BAK1: variants seen among roughly 807,000 people sequenced by gnomAD.
The protein encoded by BAK1 is BCL2 antagonist/killer 1, also known as bcl-2 homologous antagonist/killer.
BAK1 carries 19 observed loss-of-function variants against 24.7 expected under a neutral mutation model. The observed-to-expected ratio is 0.77, with a 90% CI of 0.54 to 1.13. BAK1 has a LOEUF of 1.13. Ranked by LOEUF, BAK1 falls within the 50% of genes most tolerant of loss-of-function variation. BAK1 has a pLI of 0.00. For missense variants in BAK1, 194 were observed against 279.4 expected, an observed-to-expected ratio of 0.69 and a Z score of 2.18; for synonymous variants, 86 against 107.3, an observed-to-expected ratio of 0.80 and a Z score of 1.23.
chr6:33,575,253 A>G lies in BAK1; in HGVS notation c.350+45T>C. ...AGGCAGGGTATGGTATGGTTGTGAC[A>G]TGACAGAGGAGTGACTGGAGCTGGC... On this transcript the variant is annotated intron_variant, in intron 4 of 5. Transcript: ENST00000374467. This position sits in a 1 kb window ranked among gnomAD's most constrained non-coding sequence, Gnocchi z 6.3. 2 of 1,613,900 alleles carry G rather than the reference A, an allele frequency of 1.2e-6. No homozygotes were observed. The highest frequency in any genetic ancestry group is 2.2e-5 in the East Asian group (1 of 44,882).
rs1401302781 is a variant in BAK1, at chr6:33,575,479, AG to A, written c.207-39del. On this transcript the variant is annotated intron_variant, in intron 3 of 5. Coordinates refer to ENST00000374467, the MANE Select transcript of BAK1 (RefSeq NM_001188.4). This position sits in a 1 kb window ranked among gnomAD's most constrained non-coding sequence, Gnocchi z 6.3. ...GAGGCATGCAGGTGAGCCAGTAACC[AG>A]GCAGTCGGGACCAGGCCCTGGCTCA... 3 of 1,611,974 alleles carry A rather than the reference AG, an allele frequency of 1.9e-6. No homozygotes were observed. The African/African-American group carries it at 4.0e-5, about 22-fold the overall frequency.
chr6:33,575,792 C>T lies in BAK1; in HGVS notation c.206+1G>A. On this transcript the variant is annotated splice_donor_variant, in intron 3 of 5. Coordinates refer to ENST00000374467, the MANE Select transcript of BAK1 (RefSeq NM_001188.4). LOFTEE classifies it high-confidence loss of function. The surrounding 1 kb of genome is among the most constrained non-coding windows in gnomAD (Gnocchi z 6.3). ...TTGTGGGCCCAGCGGTTGTAGCTCA[C>T]CTGCTAGGTTGCAGAGGTAAGGTGA... 1 of 1,612,494 alleles carries T rather than the reference C, an allele frequency of 6.2e-7. No homozygotes were observed. Among genetic ancestry groups the T allele is most frequent in the Non-Finnish European group, 8.5e-7 (1 of 1,179,870 alleles).
Position 33,573,855 on chromosome 6 carries a change from A to G in BAK1, c.584T>C (p.Leu195Pro), listed in dbSNP as rs1335967647. The stretch of plus-strand genomic sequence containing the variant: ...AAACTGGCCCAACAGAACCACACCC[A>G]GAACCACCAGCACGTTCAGGATGGG... ...NGPILNVLVVLGVVLLGQFVV... is the reference protein window; with the variant it reads ...NGPILNVLVVPGVVLLGQFVV... Residue 195 changes from leucine (L) to proline (P), a missense_variant, in exon 6 of 6, where the codon CTG becomes CCG. Physicochemically the swap from Leu to Pro is moderately conservative, Grantham distance 98 (BLOSUM62 -3). Coordinates refer to ENST00000374467, the MANE Select transcript of BAK1 (RefSeq NM_001188.4). 1 of 1,614,130 alleles carries G rather than the reference A, an allele frequency of 6.2e-7. No individual in the cohort carries two copies. The highest frequency in any genetic ancestry group is 8.5e-7 in the Non-Finnish European group (1 of 1,180,042).
At position 33,574,025 on chromosome 6, in the gene BAK1, GAT is replaced by G. The variant is rs1249291028; in HGVS notation, c.531+7_531+8del. The G allele has an allele frequency of 6.2e-7, 1 of 1,613,622 alleles. No homozygotes were observed. The highest frequency in any genetic ancestry group is 1.1e-5 in the South Asian group (1 of 91,074). On this transcript the variant is annotated splice_region_variant and intron_variant, in intron 5 of 5. Coordinates refer to ENST00000374467, the MANE Select transcript of BAK1 (RefSeq NM_001188.4). ...AGCAGGGAGGACATTGCAGTCCTTGGATACTCACCCAGCCACCCCTCTGTGCA... is the reference window on the plus strand; with the variant it reads ...AGCAGGGAGGACATTGCAGTCCTTGGACTCACCCAGCCACCCCTCTGTGCA...
rs1402443864 is a variant in BAK1 at position 33,578,894 on chromosome 6, G to A, written c.-32+1131C>T. ...ACACAGCCCCACCCCCACCGCCCAG[G>A]GCCTGGGGACCTTCGCCCACCCTCC... On this transcript the variant is annotated intron_variant, in intron 1 of 5. Coordinates refer to ENST00000374467, the MANE Select transcript of BAK1 (RefSeq NM_001188.4). This position sits in a 1 kb window ranked among gnomAD's most constrained non-coding sequence, Gnocchi z 4.8. 6.6e-6 allele frequency among the ~76,000 whole-genome samples: 1 copy of A among 152,074 alleles called. No individual in the cohort carries two copies. Among genetic ancestry groups the A allele is most frequent in the African/African-American group, 2.4e-5 (1 of 41,402 alleles).
rs511515 is a variant in BAK1, at chr6:33,573,730, A to G, written c.*73T>C. 0.69 allele frequency: 765,970 copies of G among 1,109,640 alleles called. 267,042 individuals are homozygous for G. The highest frequency in any genetic ancestry group is 0.85 in the South Asian group (62,490 of 73,354). The allele number at this position is 1,109,640 out of a possible 1,614,324, so 68.7% of individuals were successfully genotyped here. On this transcript the variant is annotated 3_prime_UTR_variant, in exon 6 of 6. Coordinates refer to ENST00000374467, the MANE Select transcript of BAK1 (RefSeq NM_001188.4). ...CTTGAGGGGGGACCCCTGCAAGGGAACAGAGAAGGCAAAGACTTCGCTTAA... is the reference window on the plus strand; with the variant it reads ...CTTGAGGGGGGACCCCTGCAAGGGAGCAGAGAAGGCAAAGACTTCGCTTAA...
At position 33,574,161 on chromosome 6, in the gene BAK1, C is replaced by T; in HGVS notation, c.404G>A (p.Gly135Asp). The T allele has an allele frequency of 1.2e-6, 2 of 1,614,008 alleles. No homozygotes were observed. Among genetic ancestry groups the T allele is most frequent in the Non-Finnish European group, 1.7e-6 (2 of 1,179,978 alleles). ...GTAGACGTGTAGGGCCAGACGGTAGCCGAAGCCCAGAAGAGCCACCACACG... is the reference window on the plus strand; with the variant it reads ...GTAGACGTGTAGGGCCAGACGGTAGTCGAAGCCCAGAAGAGCCACCACACG... Reference protein sequence around the residue: ...WGRVVALLGFGYRLALHVYQH... With the variant: ...WGRVVALLGFDYRLALHVYQH... The change falls in exon 5 of 6, where the codon GGC becomes GAC. Residue 135 changes from glycine (G) to aspartate (D), a missense_variant. By Grantham distance (94) the Gly-to-Asp change is moderately conservative (BLOSUM62 -1). Coordinates refer to ENST00000374467, the MANE Select transcript of BAK1 (RefSeq NM_001188.4).
Position 33,575,372 on chromosome 6 carries a change from C to G in BAK1, c.276G>C (p.Glu92Asp). The change falls in exon 4 of 6, where the codon GAG becomes GAC. Residue 92 changes from glutamate (E) to aspartate (D), a missense_variant. By Grantham distance (45) the Glu-to-Asp change is conservative (BLOSUM62 2). Transcript: ENST00000374467. This position sits in a 1 kb window ranked among gnomAD's most constrained non-coding sequence, Gnocchi z 6.3. ...GDDINRRYDSEFQTMLQHLQP... is the reference protein window; with the variant it reads ...GDDINRRYDSDFQTMLQHLQP... ...GCAGGTGCTGCAACATGGTCTGGAA[C>G]TCTGAGTCATAGCGTCGGTTGATGT... is the stretch of plus-strand genomic sequence containing the variant. 1.2e-6 allele frequency: 2 copies of G among 1,614,206 alleles called. No individual in the cohort carries two copies. The highest frequency in any genetic ancestry group is 1.1e-5 in the South Asian group (1 of 91,086).
intron 4 of BAK1, 197 bp from the exon 5 acceptor site, chr6:33,574,411 A>G: frequency 6.8e-7 from 1 of 1,480,382 alleles, no homozygotes; most frequent in South Asian, 1.2e-5. Flanking sequence ...GGGGCAGATG[A>G]GCTGGATGCC....
intron 1 of BAK1, 82 bp downstream of exon 1, chr6:33,579,943 C>T (rs1030049991): frequency 4.6e-5 from 7 of 152,320 alleles, no homozygotes; most frequent in Admixed American, 2.0e-4. Flanking sequence ...CTTCCCCACC[C>T]GGCTCCCGGC....
At position 33,574,206 on chromosome 6, in the gene BAK1, T is replaced by A. The variant is rs146926576; in HGVS notation, c.359A>T (p.Glu120Val). Residue 120 changes from glutamate (E) to valine (V), a missense_variant, in exon 5 of 6, where the codon GAG becomes GTG. Transcript: ENST00000374467. Reference protein sequence around the residue: ...YFTKIATSLFESGINWGRVVA... With the variant: ...YFTKIATSLFVSGINWGRVVA... ...CACACGGCCCCAATTGATGCCACTC[T>A]CAAACAGGCTGTGGGCAGAGCATCC... 2.9e-4 allele frequency: 460 copies of A among 1,613,616 alleles called. No homozygotes were observed. Among genetic ancestry groups the A allele is most frequent in the Admixed American group, 4.8e-4 (29 of 59,978 alleles).
intron 1 of BAK1, among the ~76,000 whole-genome samples, chr6:33,579,660 G>A (rs577657505): frequency 1.3e-5 from 2 of 152,324 alleles, no homozygotes; most frequent in Admixed American, 6.5e-5. Flanking sequence ...CCCGATGAAT[G>A]TTGCCCAGGG....
At position 33,574,193 on chromosome 6, in the gene BAK1, A is replaced by G. The variant is rs558801142; in HGVS notation, c.372T>C (p.Asn124=). 4.9e-5 allele frequency: 79 copies of G among 1,614,008 alleles called. No individual in the cohort carries two copies. In the Middle Eastern group the frequency reaches 4.9e-4, roughly 10 times the overall value. ...IATSLFESGI[N]WGRVVALLGF... Reference sequence around the variant, plus strand: ...CCAGAAGAGCCACCACACGGCCCCAATTGATGCCACTCTCAAACAGGCTGT... The same window carrying G: ...CCAGAAGAGCCACCACACGGCCCCAGTTGATGCCACTCTCAAACAGGCTGT... Residue 124 remains asparagine (N), a synonymous_variant, in exon 5 of 6, where the codon AAT becomes AAC. Transcript: ENST00000374467.
rs1306915797 is a variant in BAK1, at chr6:33,578,402, T to C, written c.-31-767A>G. On this transcript the variant is annotated intron_variant, in intron 1 of 5. Transcript: ENST00000374467. The surrounding 1 kb of genome is among the most constrained non-coding windows in gnomAD (Gnocchi z 4.8). ...AGTTGAGTGCCCGAGGTCACATCGT[T>C]AGTCACGGAAAGTCAGGTTGTTTGT... 6.6e-6 allele frequency among the ~76,000 whole-genome samples: 1 copy of C among 152,150 alleles called. No individual in the cohort carries two copies. Among genetic ancestry groups the C allele is most frequent in the Non-Finnish European group, 1.5e-5 (1 of 68,018 alleles).
intron 2 of BAK1, among the ~76,000 whole-genome samples, chr6:33,576,981 T>C (rs1363205108): frequency 6.6e-6 from 1 of 152,178 alleles, no homozygotes; most frequent in Non-Finnish European, 1.5e-5. Context: ...TCTGAATTTG[T>C]AGCTGCGGCC....
rs1762870884 is a variant in BAK1, at chr6:33,577,690, G to C, written c.-31-55C>G. 7.9e-7 allele frequency: 1 copy of C among 1,269,390 alleles called. No homozygotes were observed. Among genetic ancestry groups the C allele is most frequent in the Non-Finnish European group, 1.1e-6 (1 of 916,622 alleles). 78.6% of individuals were successfully genotyped at this position (1,269,390 alleles called of 1,614,324 possible). A position where few individuals can be genotyped will look rare whatever the true frequency, so the allele number is the denominator to read the frequency against. On this transcript the variant is annotated intron_variant, in intron 1 of 5. Transcript: ENST00000374467. This position sits in a 1 kb window ranked among gnomAD's most constrained non-coding sequence, Gnocchi z 4.6. ...TGGGGGTGAGCACAGACCTGTGACT[G>C]GGGACCCCATACAGGTTGCCATGTC...
intron 2 of BAK1, among the ~76,000 whole-genome samples, chr6:33,576,614 T>C (rs1254916635): frequency 2.2e-5 from 3 of 137,840 alleles, no homozygotes; most frequent in South Asian, 2.2e-4. Context: ...GCCTGGGCAA[T>C]AGAGCGAGAC....
rs1762830352 is a variant in BAK1, at chr6:33,575,556, G to A, written c.207-115C>T. On this transcript the variant is annotated intron_variant, in intron 3 of 5. Transcript: ENST00000374467. This position sits in a 1 kb window ranked among gnomAD's most constrained non-coding sequence, Gnocchi z 6.3. The stretch of plus-strand genomic sequence containing the variant: ...TCCATGGCCCTGTGCATCCCTTCTT[G>A]GAGGTCCCTGACAGTGTTCTAAGAC... The A allele has an allele frequency of 7.0e-7, 1 of 1,433,840 alleles. No homozygotes were observed. Among genetic ancestry groups the A allele is most frequent in the East Asian group, 2.3e-5 (1 of 42,690 alleles). The allele number at this position is 1,433,840 out of a possible 1,614,324, so 88.8% of individuals were successfully genotyped here. A position where few individuals can be genotyped will look rare whatever the true frequency, so the allele number is the denominator to read the frequency against.
chr6:33,576,048 A>G (rs914274844), intron 2 of BAK1, 120 bp from the exon 3 acceptor site: 4 of 1,454,308 alleles, frequency 2.8e-6, no homozygotes, highest in African/African-American at 1.4e-5. Flanking sequence ...AAATATCCCA[A>G]CCAGGTGCGG....
Sources: allele counts gnomAD v4.1 joint callset (sites outside exome capture counted in the v4.1 genomes callset), GRCh38; gene constraint gnomAD v4.1.1; non-coding constraint Gnocchi (gnomAD v3.1); transcripts MANE v1.5; gene names NCBI Gene and HGNC (gene_info 2026-07-23, HGNC 2026-07-21).